ATXN8OS: variants seen among roughly 807,000 people sequenced by gnomAD.
ATXN8OS encodes the protein ATXN8 opposite strand lncRNA.
chr13:70,168,496 C>T (rs1251362147), intron 4 of ATXN8OS, among the ~76,000 whole-genome samples: 1 of 151,772 alleles, frequency 6.6e-6, no homozygotes, highest in Admixed American at 6.6e-5. Context: ...TACCATGAAC[C>T]AACTTCTCTT....
intron 4 of ATXN8OS, among the ~76,000 whole-genome samples, chr13:70,167,630 T>C (rs1444411963): frequency 6.9e-6 from 1 of 144,294 alleles, no homozygotes; most frequent in Non-Finnish European, 1.5e-5. Flanking sequence ...CTGCACGTTG[T>C]GCACATGTAC....
At chr13:70,115,123 A>C (rs2137470566) in intron 1 of ATXN8OS, 1 of 398,098 alleles carries the variant, frequency 2.5e-6, no homozygotes, top group African/African-American at 2.1e-5. Flanking sequence ...TAAATAACAT[A>C]AATTTATTCT....
At chr13:70,167,676 A>C (rs1404749102) in intron 4 of ATXN8OS, among the ~76,000 whole-genome samples, 1 of 151,884 alleles carries the variant, frequency 6.6e-6, no homozygotes, top group Admixed American at 6.6e-5. Flanking sequence ...CTTAAAAAAA[A>C]AGAAAATTCA....
intron 3 of ATXN8OS, among the ~76,000 whole-genome samples, chr13:70,134,952 T>C (rs1459920912): frequency 1.3e-5 from 2 of 152,206 alleles, no homozygotes; most frequent in Middle Eastern, 3.2e-3. Flanking sequence ...CAGCACAGGC[T>C]GTGTGGACTC....
chr13:70,151,177 T>A (rs1438501521), intron 4 of ATXN8OS, among the ~76,000 whole-genome samples: 1 of 152,112 alleles, frequency 6.6e-6, no homozygotes, highest in African/African-American at 2.4e-5. Flanking sequence ...GCTACACTTT[T>A]AAATTTTTCA....
At chr13:70,167,567 G>A (rs534896775) in intron 4 of ATXN8OS, among the ~76,000 whole-genome samples, 1 of 151,936 alleles carries the variant, frequency 6.6e-6, no homozygotes, top group East Asian at 1.9e-4. Context: ...GCTAAATGAA[G>A]AGTTAATGGG....
intron 3 of ATXN8OS, among the ~76,000 whole-genome samples, chr13:70,143,864 G>A (rs145755350): frequency 1.6e-3 from 247 of 152,188 alleles, no homozygotes; most frequent in African/African-American, 5.8e-3. Context: ...GTGTTGACAT[G>A]GAAATTAATA....
At chr13:70,137,381 C>T (rs1593767154) in intron 3 of ATXN8OS, among the ~76,000 whole-genome samples, 2 of 152,208 alleles carry the variant, frequency 1.3e-5, no homozygotes, top group African/African-American at 4.8e-5. Flanking sequence ...CAGCTTATCT[C>T]AATATGTTAT....
intron 2 of ATXN8OS, among the ~76,000 whole-genome samples, chr13:70,115,765 T>C (rs182633189): frequency 7.2e-5 from 11 of 152,250 alleles, no homozygotes; most frequent in Admixed American, 5.9e-4. Context: ...AAACATATAA[T>C]ACTTTTTTTA....
chr13:70,142,239 G>A (rs1888727993), intron 3 of ATXN8OS, among the ~76,000 whole-genome samples: 1 of 152,156 alleles, frequency 6.6e-6, no homozygotes, highest in Admixed American at 6.5e-5. Context: ...ATAAGTCTGT[G>A]AAAGACAAAT....
intron 3 of ATXN8OS, among the ~76,000 whole-genome samples, chr13:70,140,531 C>CAAA (rs745942489): frequency 0.088 from 1,992 of 22,714 alleles, 21 homozygotes; most frequent in East Asian, 0.16. Flanking sequence ...CACACACACA[C>CAAA]ACAAAAAAAA....
chr13:70,166,255 A>T (rs1320897841), intron 4 of ATXN8OS, among the ~76,000 whole-genome samples: 1 of 152,088 alleles, frequency 6.6e-6, no homozygotes. Context: ...ACGCTACCTG[A>T]CTTCAAGCTA....
At chr13:70,115,994 G>A (rs1888272959) in intron 2 of ATXN8OS, among the ~76,000 whole-genome samples, 1 of 152,022 alleles carries the variant, frequency 6.6e-6, no homozygotes, top group South Asian at 2.1e-4. Context: ...TCTCAAAATT[G>A]TATTTTTAAA....
At chr13:70,117,609 C>T (rs914563717) in intron 2 of ATXN8OS, among the ~76,000 whole-genome samples, 1 of 152,074 alleles carries the variant, frequency 6.6e-6, no homozygotes, top group Non-Finnish European at 1.5e-5. Flanking sequence ...TAGAATGGAA[C>T]GTCACAGGCT....
intron 3 of ATXN8OS, among the ~76,000 whole-genome samples, chr13:70,142,801 G>T (rs549037820): frequency 7.9e-5 from 12 of 151,994 alleles, no homozygotes; most frequent in African/African-American, 2.7e-4. Flanking sequence ...GCGGCCGGCC[G>T]CAGGGCTCAT....
chr13:70,147,741 G>T (rs1189010456), intron 4 of ATXN8OS, among the ~76,000 whole-genome samples: 1 of 152,106 alleles, frequency 6.6e-6, no homozygotes, highest in African/African-American at 2.4e-5. Context: ...TTTTGCCAAG[G>T]TTAAGGACCA....
intron 4 of ATXN8OS, among the ~76,000 whole-genome samples, chr13:70,154,355 G>A (rs1888910210): frequency 1.3e-5 from 2 of 152,102 alleles, no homozygotes; most frequent in African/African-American, 4.8e-5. Context: ...TCTTACCTCA[G>A]GTCATAAAGC....
At chr13:70,145,330 A>G (rs302010) in intron 3 of ATXN8OS, among the ~76,000 whole-genome samples, 130,776 of 151,236 alleles carry the variant, frequency 0.86, 56,689 homozygotes, top group East Asian at 1. Flanking sequence ...ACTTGGTGAT[A>G]CGGGCTCTTT....
Position 70,167,903 on chromosome 13 carries a change from T to C in ATXN8OS, n.574-1850T>C, listed in dbSNP as rs1469603692. Among the ~76,000 whole-genome samples the C allele has an allele frequency of 4.0e-5, 6 of 151,766 alleles. 1 individual carries two copies. In the Middle Eastern group the frequency reaches 0.014, roughly 344 times the overall value. On this transcript the variant is annotated intron_variant and non_coding_transcript_variant, in intron 4 of 4. Transcript: ENST00000678624. ...GGCGTGTGCCGCCACTCCTGACTAA[T>C]TTTTTTGTATTTTTAATAGAGACGG...
Sources: gnomAD v4.1 joint callset for allele counts (sites outside exome capture counted in the v4.1 genomes callset) on GRCh38, gnomAD v4.1.1 for gene constraint, MANE v1.5 for transcripts, NCBI Gene and HGNC (gene_info 2026-07-23, HGNC 2026-07-21) for gene names.